The following TPRG1 variants were observed in gnomAD, a reference collection of about 807,000 sequenced individuals.
TPRG1 encodes the protein tumor protein p63-regulated gene 1 protein.
TPRG1 carries 29 observed loss-of-function variants against 29.3 expected under a neutral mutation model. The ratio of observed to expected loss-of-function variants is 0.99; its 90% CI spans 0.74 to 1.35. The LOEUF is 1.35. TPRG1 is among the 40% of genes most tolerant of loss of function. TPRG1 has a pLI of 0.00. For synonymous variants in TPRG1, 130 were observed against 116.8 expected, an observed-to-expected ratio of 1.11 and a Z score of -0.73; for missense variants, 327 against 335.0, an observed-to-expected ratio of 0.98 and a Z score of 0.19.
At chr3:189,166,368 G>A (rs536643545) in intron 5 of TPRG1, among the ~76,000 whole-genome samples, 1 of 152,274 alleles carries the variant, frequency 6.6e-6, no homozygotes, top group Non-Finnish European at 1.5e-5. Flanking sequence ...CCTTAAGTGG[G>A]GACACTGACA....
chr3:189,191,195 AAAAT>A (rs1283618984), intron 1 of TPRG1, among the ~76,000 whole-genome samples: 1 of 152,208 alleles, frequency 6.6e-6, no homozygotes, highest in Non-Finnish European at 1.5e-5. Flanking sequence ...GAAATATAGA[AAAAT>A]AAAGAGCTAT....
intron 4 of TPRG1, among the ~76,000 whole-genome samples, chr3:189,064,989 G>T (rs1287511523): frequency 6.6e-6 from 1 of 152,064 alleles, no homozygotes; most frequent in Non-Finnish European, 1.5e-5. Context: ...AGGAGTTTGA[G>T]ACCAGCTTGG....
intron 1 of TPRG1, among the ~76,000 whole-genome samples, chr3:189,104,313 T>C (rs1719559069): frequency 6.6e-6 from 1 of 152,150 alleles, no homozygotes; most frequent in South Asian, 2.1e-4. Context: ...TTGACAGGCG[T>C]AGATATTCAG....
intron 4 of TPRG1, among the ~76,000 whole-genome samples, chr3:189,075,985 C>A (rs936989481): frequency 2.0e-4 from 31 of 152,036 alleles, no homozygotes; most frequent in African/African-American, 7.5e-4. Flanking sequence ...TACTTTTTTT[C>A]TCTTTATGAA....
intron 4 of TPRG1, among the ~76,000 whole-genome samples, chr3:189,249,930 G>C (rs777917822): frequency 6.6e-6 from 1 of 152,028 alleles, no homozygotes; most frequent in Non-Finnish European, 1.5e-5. Flanking sequence ...TCCAGTTTAT[G>C]TGCCATCTTA....
intron 1 of TPRG1, among the ~76,000 whole-genome samples, chr3:189,179,036 G>A (rs866396029): frequency 7.2e-5 from 11 of 152,200 alleles, no homozygotes; most frequent in South Asian, 6.2e-4. Flanking sequence ...CTGGAGGTTG[G>A]GAATACAGTT....
At chr3:189,219,542 T>A (rs1223128237) in intron 3 of TPRG1, 5 of 1,215,568 alleles carry the variant, frequency 4.1e-6, no homozygotes, top group Admixed American at 3.4e-5. Context: ...AAGATTATTT[T>A]AAAAAAACTA....
intron 2 of TPRG1, among the ~76,000 whole-genome samples, chr3:189,211,140 T>C (rs1380840287): frequency 5.3e-5 from 8 of 152,192 alleles, no homozygotes; most frequent in African/African-American, 1.9e-4. Flanking sequence ...AATGGGATTA[T>C]ATGCCAACTA....
At chr3:189,292,563 A>C (rs965967757) in intron 4 of TPRG1, among the ~76,000 whole-genome samples, 2 of 152,150 alleles carry the variant, frequency 1.3e-5, no homozygotes, top group Admixed American at 1.3e-4. Context: ...GGATCCTGGC[A>C]TGTGATAGGT....
At chr3:189,078,077 C>T (rs935642663) in intron 4 of TPRG1, among the ~76,000 whole-genome samples, 1 of 79,642 alleles carries the variant, frequency 1.3e-5, no homozygotes, top group Non-Finnish European at 2.6e-5. Context: ...TCCTTTCTCT[C>T]TTTCTCTCTT....
intron 4 of TPRG1, among the ~76,000 whole-genome samples, chr3:189,091,854 A>AT (rs1050050580): frequency 6.6e-6 from 1 of 150,816 alleles, no homozygotes; most frequent in Non-Finnish European, 1.5e-5. Flanking sequence ...TGTTTCCCAC[A>AT]TTTTTTTTCA....
chr3:189,075,679 T>C (rs6773026), intron 4 of TPRG1, among the ~76,000 whole-genome samples: 3 of 152,116 alleles, frequency 2.0e-5, no homozygotes, highest in Non-Finnish European at 4.4e-5. Flanking sequence ...TAGAGAAAAT[T>C]AGTTGCCTTG....
chr3:189,210,689 C>T (rs902791210), intron 2 of TPRG1, among the ~76,000 whole-genome samples: 3 of 152,174 alleles, frequency 2.0e-5, no homozygotes, highest in African/African-American at 4.8e-5. Context: ...AATCAACACA[C>T]TTGTTCTCAA....
chr3:189,163,982 C>T (rs2108639046), intron 5 of TPRG1, among the ~76,000 whole-genome samples: 1 of 141,566 alleles, frequency 7.1e-6, no homozygotes. Flanking sequence ...ATAAGGTAAA[C>T]TTTTTGCATA....
At chr3:189,300,232 T>A (rs1310402456) in intron 4 of TPRG1, among the ~76,000 whole-genome samples, 1 of 152,234 alleles carries the variant, frequency 6.6e-6, no homozygotes, top group Non-Finnish European at 1.5e-5. Flanking sequence ...TAGCACCTAC[T>A]ACTTAATGTC....
At chr3:189,078,561 C>T (rs1717379108) in intron 4 of TPRG1, among the ~76,000 whole-genome samples, 1 of 152,190 alleles carries the variant, frequency 6.6e-6, no homozygotes, top group Non-Finnish European at 1.5e-5. Context: ...AATGAAATTT[C>T]TTACCCATAG....
At chr3:189,195,801 C>A (rs935911581) in intron 1 of TPRG1, among the ~76,000 whole-genome samples, 1 of 152,160 alleles carries the variant, frequency 6.6e-6, no homozygotes, top group Non-Finnish European at 1.5e-5. Flanking sequence ...CCTAGGTGAT[C>A]CTGATTAAGG....
chr3:189,078,101 CTTTCTTTCTTTCTT>C lies in TPRG1; in HGVS notation c.-462-48954_-462-48941del, dbSNP rs1560430806. 4.3e-4 allele frequency among the ~76,000 whole-genome samples: 54 copies of C among 124,446 alleles called. No individual in the cohort carries two copies. In the South Asian group the frequency reaches 0.014, roughly 32 times the overall value. 81.6% of individuals were successfully genotyped at this position (124,446 alleles called of 152,430 possible). A position where few individuals can be genotyped will look rare whatever the true frequency, so the allele number is the denominator to read the frequency against. On this transcript the variant is annotated intron_variant, in intron 4 of 10. Transcript: ENST00000433971. ...TCTTTCTCTCTTTCTCTCTTTCTTT[CTTTCTTTCTTTCTT>C]TCTTTCTTTCTTTCTTTCTTTCCTT...
intron 4 of TPRG1, among the ~76,000 whole-genome samples, chr3:189,073,303 G>T (rs899983206): frequency 6.6e-6 from 1 of 152,062 alleles, no homozygotes; most frequent in Admixed American, 6.5e-5. Flanking sequence ...TGGCTTCCAG[G>T]GATATCTGTA....
Sources: gnomAD v4.1 joint callset for allele counts (sites outside exome capture counted in the v4.1 genomes callset) on GRCh38, gnomAD v4.1.1 for gene constraint, MANE v1.5 for transcripts, NCBI Gene and HGNC (gene_info 2026-07-23, HGNC 2026-07-21) for gene names.